ANGPTL1: variants seen among roughly 807,000 people sequenced by gnomAD.
ANGPTL1 encodes angiopoietin like 1.
Under a neutral mutation model 46.7 loss-of-function variants are expected in ANGPTL1, and 36 were observed. That is an observed-to-expected ratio of 0.77 (90% CI 0.59 to 1.02). ANGPTL1 has a LOEUF of 1.02. ANGPTL1 is among the 50% of genes least tolerant of loss of function. The pLI is 0.00. For missense variants in ANGPTL1, 571 were observed against 594.7 expected (o/e 0.96, Z 0.41); for synonymous variants, 221 against 204.3 (o/e 1.08, Z -0.69).
chr1:178,856,411 T>TGTTTTTG (rs1415518537), intron 3 of ANGPTL1, among the ~76,000 whole-genome samples: 1 of 111,240 alleles, frequency 9.0e-6, no homozygotes, highest in African/African-American at 3.9e-5. Context: ...TTTTTTTTTT[T>TGTTTTTG]TTTTTTTTTT....
At chr1:178,864,314 G>A (rs892273344) in intron 3 of ANGPTL1, among the ~76,000 whole-genome samples, 2 of 151,980 alleles carry the variant, frequency 1.3e-5, no homozygotes, top group African/African-American at 2.4e-5. Flanking sequence ...TATTTCTTAG[G>A]ATACACAGTA....
chr1:178,866,393 C>T (rs1658414193), intron 2 of ANGPTL1, among the ~76,000 whole-genome samples: 1 of 152,132 alleles, frequency 6.6e-6, no homozygotes, highest in Admixed American at 6.6e-5. Flanking sequence ...ATAGTTTTAG[C>T]ATCACATGCT....
At chr1:178,854,929 G>C (rs1572406098) in intron 3 of ANGPTL1, among the ~76,000 whole-genome samples, 5 of 152,094 alleles carry the variant, frequency 3.3e-5, no homozygotes, top group Admixed American at 3.3e-4. Flanking sequence ...TCCTTCTCCA[G>C]TGTTTCGAGC....
At position 178,849,614 on chromosome 1, in the gene ANGPTL1, T is replaced by C. The variant is rs1334598255; in HGVS notation, c.*1515A>G. On this transcript the variant is annotated 3_prime_UTR_variant, in exon 6 of 6. Transcript: ENST00000234816. ...GATGCCCAGTTCCTTCCAGGAATCTTATAACAGATTCTTTGGTTCTGAAGG... is the reference window on the plus strand; with the variant it reads ...GATGCCCAGTTCCTTCCAGGAATCTCATAACAGATTCTTTGGTTCTGAAGG... 6.6e-6 allele frequency: 1 copy of C among 151,646 alleles called. No individual in the cohort carries two copies. Among genetic ancestry groups the C allele is most frequent in the Non-Finnish European group, 1.5e-5 (1 of 67,948 alleles). The allele number at this position is 151,646 out of a possible 1,614,324, so 9.4% of individuals were successfully genotyped here.
intron 3 of ANGPTL1, among the ~76,000 whole-genome samples, chr1:178,858,155 G>T (rs1657719760): frequency 6.6e-6 from 1 of 152,004 alleles, no homozygotes; most frequent in African/African-American, 2.4e-5. Context: ...AAAGATATTA[G>T]ATATCAGAAT....
chr1:178,864,127 T>C (rs1658220012), intron 3 of ANGPTL1, among the ~76,000 whole-genome samples: 1 of 152,084 alleles, frequency 6.6e-6, no homozygotes, highest in South Asian at 2.1e-4. Context: ...ATTCAGAAAG[T>C]TAGCAGTGGG....
chr1:178,857,910 G>A (rs1292554508), intron 3 of ANGPTL1, among the ~76,000 whole-genome samples: 2 of 152,130 alleles, frequency 1.3e-5, no homozygotes, highest in East Asian at 3.8e-4. Flanking sequence ...TAGACACTCA[G>A]ATGTTTAAAG....
At chr1:178,866,748 C>T (rs746219252) in intron 2 of ANGPTL1, among the ~76,000 whole-genome samples, 64 of 152,232 alleles carry the variant, frequency 4.2e-4, no homozygotes, top group Non-Finnish European at 8.1e-4. Flanking sequence ...AGGTCTAGAT[C>T]GGATTCTCTG....
chr1:178,851,028 G>T lies in ANGPTL1; in HGVS notation c.*101C>A. ...AAAATTCATTTTAAAAACTTTCTGTGTAGAAATAAATTGTGCCAAGTAATA... is the reference window on the plus strand; with the variant it reads ...AAAATTCATTTTAAAAACTTTCTGTTTAGAAATAAATTGTGCCAAGTAATA... On this transcript the variant is annotated 3_prime_UTR_variant, in exon 6 of 6. Coordinates refer to ENST00000234816, the MANE Select transcript of ANGPTL1 (RefSeq NM_004673.4). The T allele has an allele frequency of 2.6e-6, 3 of 1,133,344 alleles. No homozygotes were observed. Among genetic ancestry groups the T allele is most frequent in the African/African-American group, 1.6e-5 (1 of 63,136 alleles). 70.2% of individuals were successfully genotyped at this position (1,133,344 alleles called of 1,614,324 possible).
At chr1:178,866,100 T>G (rs1368541599) in intron 2 of ANGPTL1, among the ~76,000 whole-genome samples, 1 of 152,166 alleles carries the variant, frequency 6.6e-6, no homozygotes, top group Non-Finnish European at 1.5e-5. Flanking sequence ...TGTGCAAAGA[T>G]ACGCTGCTAG....
At chr1:178,863,576 A>G (rs1658177471) in intron 3 of ANGPTL1, among the ~76,000 whole-genome samples, 1 of 152,216 alleles carries the variant, frequency 6.6e-6, no homozygotes, top group African/African-American at 2.4e-5. Flanking sequence ...GTGTTTCAGT[A>G]AAGAAAGCAG....
At chr1:178,859,998 C>G (rs1657887952) in intron 3 of ANGPTL1, among the ~76,000 whole-genome samples, 1 of 151,864 alleles carries the variant, frequency 6.6e-6, no homozygotes, top group Non-Finnish European at 1.5e-5. Context: ...ACCTGTACCC[C>G]CTCATTTAAT....
chr1:178,851,894 G>A (rs138118829), intron 5 of ANGPTL1, among the ~76,000 whole-genome samples: 342 of 152,220 alleles, frequency 2.2e-3, no homozygotes, highest in Middle Eastern at 6.8e-3. Context: ...TTGGGTGGAG[G>A]GGAGGAGGGG....
intron 2 of ANGPTL1, among the ~76,000 whole-genome samples, chr1:178,868,409 C>G (rs1393073222): frequency 1.3e-5 from 2 of 151,796 alleles, no homozygotes; most frequent in Non-Finnish European, 2.9e-5. Flanking sequence ...AGAATGGAAA[C>G]TCTGAGATCA....
chr1:178,867,954 T>C (rs941318526), intron 2 of ANGPTL1, among the ~76,000 whole-genome samples: 14 of 152,036 alleles, frequency 9.2e-5, no homozygotes, highest in African/African-American at 3.4e-4. Context: ...AATGGGTAGA[T>C]AATGAAAATA....
intron 3 of ANGPTL1, among the ~76,000 whole-genome samples, chr1:178,857,290 A>C (rs1657650884): frequency 6.6e-6 from 1 of 152,176 alleles, no homozygotes; most frequent in Admixed American, 6.5e-5. Flanking sequence ...AGATATGTAG[A>C]TATGAAACTA....
chr1:178,865,899 CTG>C, intron 2 of ANGPTL1, 97 bp from the exon 3 acceptor site: 2 of 707,712 alleles, frequency 2.8e-6, no homozygotes, highest in Non-Finnish European at 2.3e-6. Context: ...GAGGGAAAAA[CTG>C]AATATTTATT....
intron 2 of ANGPTL1, among the ~76,000 whole-genome samples, chr1:178,867,847 T>C (rs1347671468): frequency 6.6e-6 from 1 of 151,812 alleles, no homozygotes; most frequent in East Asian, 2.0e-4. Flanking sequence ...GTCAATGAAA[T>C]ATAACTCTTA....
chr1:178,865,903 A>G (rs1658375072), intron 2 of ANGPTL1, 101 bp from the exon 3 acceptor site: 8 of 676,970 alleles, frequency 1.2e-5, no homozygotes, highest in South Asian at 2.1e-5. Context: ...GAAAAACTGA[A>G]TATTTATTGG....
Sources: gnomAD v4.1 joint callset for allele counts (sites outside exome capture counted in the v4.1 genomes callset) on GRCh38, gnomAD v4.1.1 for gene constraint, MANE v1.5 for transcripts, NCBI Gene and HGNC (gene_info 2026-07-23, HGNC 2026-07-21) for gene names.